ADD3: variants seen among roughly 807,000 people sequenced by gnomAD.
ADD3 encodes the protein adducin 3, also known as gamma-adducin.
In ADD3, 25 loss-of-function variants were observed where a neutral mutation model predicts 80.2. That is an observed-to-expected ratio of 0.31 (90% confidence interval 0.23 to 0.44). The LOEUF (loss-of-function observed/expected upper bound fraction) is 0.44, where lower values mean the gene tolerates loss of function less well. ADD3 is among the 20% of genes least tolerant of loss of function. The pLI is 1.00. For missense variants in ADD3, 829 were observed against 847.5 expected (o/e 0.98, Z 0.27); for synonymous variants, 284 against 289.6 (o/e 0.98, Z 0.20).
chr10:110,050,630 A>G (rs1372924906), intron 1 of ADD3, among the ~76,000 whole-genome samples: 1 of 150,342 alleles, frequency 6.7e-6, no homozygotes, highest in Non-Finnish European at 1.5e-5. Context: ...CTCCTGCCTC[A>G]GCCTTCCAAG....
chr10:110,055,807 G>A (rs1426364465), intron 1 of ADD3, among the ~76,000 whole-genome samples: 3 of 152,184 alleles, frequency 2.0e-5, no homozygotes, highest in Non-Finnish European at 2.9e-5. Flanking sequence ...GGATGTAAAA[G>A]TGCATTATAA....
chr10:110,007,757 G>T (rs1041352032), upstream of ADD3, among the ~76,000 whole-genome samples: 1 of 151,668 alleles, frequency 6.6e-6, no homozygotes, highest in Non-Finnish European at 1.5e-5. Context: ...CAGGACTCCC[G>T]AGGGGCGCTC....
intron 5 of ADD3, among the ~76,000 whole-genome samples, chr10:110,117,679 C>A (rs571956320): frequency 1.4e-5 from 2 of 143,972 alleles, no homozygotes; most frequent in Non-Finnish European, 3.0e-5. Flanking sequence ...TTTTTTTTTA[C>A]CACCCTATAC....
intron 1 of ADD3, among the ~76,000 whole-genome samples, chr10:110,053,038 A>G (rs904567737): frequency 1.3e-5 from 2 of 152,224 alleles, no homozygotes; most frequent in Admixed American, 6.5e-5. Flanking sequence ...GGGAATAACT[A>G]TGCAAACACA....
intron 1 of ADD3, among the ~76,000 whole-genome samples, chr10:110,048,710 C>T (rs765877804): frequency 6.6e-6 from 1 of 152,112 alleles, no homozygotes; most frequent in Non-Finnish European, 1.5e-5. Context: ...TTCTAAATAA[C>T]AAAGCATTCA....
intron 1 of ADD3, among the ~76,000 whole-genome samples, chr10:110,066,531 C>T (rs1843980578): frequency 6.6e-6 from 1 of 152,100 alleles, no homozygotes; most frequent in African/African-American, 2.4e-5. Flanking sequence ...CCGTGCCTGG[C>T]CCTTGATTAG....
At chr10:110,122,330 T>C (rs1178217716) in intron 9 of ADD3, 38 bp downstream of exon 9, 8 of 1,579,006 alleles carry the variant, frequency 5.1e-6, no homozygotes, top group Non-Finnish European at 6.9e-6. Context: ...GGATTTAATG[T>C]CTTCAGATTC....
intron 10 of ADD3, 149 bp downstream of exon 10, chr10:110,124,423 C>A: frequency 1.1e-6 from 1 of 918,030 alleles, no homozygotes; most frequent in Non-Finnish European, 1.6e-6. Flanking sequence ...GTGCAAGACA[C>A]TCTTCTAAGT....
intron 2 of ADD3, among the ~76,000 whole-genome samples, chr10:110,101,825 A>T (rs1302850107): frequency 6.6e-6 from 1 of 150,832 alleles, no homozygotes; most frequent in East Asian, 1.9e-4. Context: ...TTTCTGCATG[A>T]TGAAGATCAT....
At chr10:110,115,940 A>G (rs935500383) in intron 3 of ADD3, among the ~76,000 whole-genome samples, 1 of 152,230 alleles carries the variant, frequency 6.6e-6, no homozygotes, top group African/African-American at 2.4e-5. Context: ...CAGTAACCTC[A>G]GTATTTAACA....
chr10:110,133,071 A>G (rs142925378), intron 14 of ADD3, among the ~76,000 whole-genome samples: 151 of 152,304 alleles, frequency 9.9e-4, no homozygotes, highest in East Asian at 5.6e-3. Flanking sequence ...TTGATTTACA[A>G]TGAAACTGTT....
At chr10:110,030,015 T>C in intron 1 of ADD3, among the ~76,000 whole-genome samples, 1 of 152,082 alleles carries the variant, frequency 6.6e-6, no homozygotes, top group East Asian at 1.9e-4. Context: ...CTGACTGGAA[T>C]GTACTCTACT....
At chr10:110,063,776 T>TATATATATATATATATATAG in intron 1 of ADD3, among the ~76,000 whole-genome samples, 1 of 97,724 alleles carries the variant, frequency 1.0e-5, no homozygotes, top group Non-Finnish European at 2.1e-5. Context: ...TATATATATA[T>TATATATATATATATATATAG]ATATATAAAG....
intron 3 of ADD3, among the ~76,000 whole-genome samples, chr10:110,115,172 C>T (rs2134079424): frequency 6.6e-6 from 1 of 151,558 alleles, no homozygotes; most frequent in East Asian, 1.9e-4. Flanking sequence ...GGTGGATCAT[C>T]TGAGGTCAGG....
intron 11 of ADD3, among the ~76,000 whole-genome samples, 156 bp downstream of exon 11, chr10:110,126,101 C>T (rs182752111): frequency 6.6e-6 from 1 of 152,284 alleles, no homozygotes; most frequent in Admixed American, 6.5e-5. Context: ...TGAATGCCTC[C>T]AGCTCTGTGC....
chr10:109,998,407 C>G (rs1414223414), intron 1 of ADD3, among the ~76,000 whole-genome samples: 1 of 152,194 alleles, frequency 6.6e-6, no homozygotes, highest in African/African-American at 2.4e-5. Context: ...TCCACAGCTA[C>G]CCCTACAACA....
upstream of ADD3, chr10:110,006,005 G>A (rs1209189981): frequency 8.3e-6 from 2 of 241,032 alleles, no homozygotes; most frequent in East Asian, 1.5e-4. Flanking sequence ...TGCTGCTGCT[G>A]CCGCCGCCGC....
At chr10:110,029,788 C>G (rs529188776) in intron 1 of ADD3, among the ~76,000 whole-genome samples, 1 of 152,134 alleles carries the variant, frequency 6.6e-6, no homozygotes, top group Non-Finnish European at 1.5e-5. Flanking sequence ...AAGTTGCTTA[C>G]GGTTTAGTTG....
At chr10:110,038,069 C>CA (rs754609555) in intron 1 of ADD3, among the ~76,000 whole-genome samples, 2,252 of 42,010 alleles carry the variant, frequency 0.054, 55 homozygotes, top group Middle Eastern at 0.073. Context: ...AACTCCGTCT[C>CA]AAAAAAAAAA....
Sources: gnomAD v4.1 joint callset for allele counts (sites outside exome capture counted in the v4.1 genomes callset) on GRCh38, gnomAD v4.1.1 for gene constraint, MANE v1.5 for transcripts, NCBI Gene and HGNC (gene_info 2026-07-23, HGNC 2026-07-21) for gene names.